MGMT: variants seen among roughly 807,000 people sequenced by gnomAD.
MGMT encodes the protein O-6-methylguanine-DNA methyltransferase.
A neutral mutation model predicts 15.9 loss-of-function variants in MGMT; 14 were observed. The ratio of observed to expected loss-of-function variants is 0.88; its 90% CI spans 0.58 to 1.37. The LOEUF (loss-of-function observed/expected upper bound fraction) is 1.37. Ranked by LOEUF, MGMT falls within the 40% of genes most tolerant of loss-of-function variation. The probability of loss-of-function intolerance (pLI) is 0.00; values close to 1 mark genes in which losing one functional copy is unlikely to be tolerated. For missense variants in MGMT, 282 were observed against 268.1 expected (o/e 1.05, Z -0.36); for synonymous variants, 130 against 118.2 (o/e 1.10, Z -0.65).
chr10:129,720,418 G>A (rs1848356351), intron 3 of MGMT, among the ~76,000 whole-genome samples: 1 of 152,186 alleles, frequency 6.6e-6, no homozygotes, highest in African/African-American at 2.4e-5. Context: ...CGCGGCCTTG[G>A]GGGCCCACAG....
chr10:129,748,381 A>G (rs986176269), intron 3 of MGMT, among the ~76,000 whole-genome samples: 4 of 152,006 alleles, frequency 2.6e-5, no homozygotes, highest in African/African-American at 9.7e-5. Flanking sequence ...TACTCTCCTC[A>G]TCGTGGTTTG....
chr10:129,469,871 T>C (rs1845211127), intron 1 of MGMT, among the ~76,000 whole-genome samples: 1 of 152,066 alleles, frequency 6.6e-6, no homozygotes. Flanking sequence ...CATACCTGGC[T>C]AATTGTTGTT....
At chr10:129,549,415 T>TG (rs1311520969) in intron 2 of MGMT, among the ~76,000 whole-genome samples, 5 of 152,218 alleles carry the variant, frequency 3.3e-5, no homozygotes, top group Non-Finnish European at 7.3e-5. Flanking sequence ...ACTTTATAGT[T>TG]GCATTTTTAG....
At chr10:129,623,667 T>C (rs1847114830) in intron 2 of MGMT, among the ~76,000 whole-genome samples, 1 of 152,130 alleles carries the variant, frequency 6.6e-6, no homozygotes, top group East Asian at 1.9e-4. Context: ...TAGCTGGGAC[T>C]ACATACGTGC....
chr10:129,475,109 T>TCTCTC (rs1845275989), intron 1 of MGMT, among the ~76,000 whole-genome samples: 1 of 151,818 alleles, frequency 6.6e-6, no homozygotes, highest in African/African-American at 2.4e-5. Flanking sequence ...TGGCAAGGTC[T>TCTCTC]GGGGAGGAGG....
At chr10:129,654,909 A>T (rs1847506691) in intron 2 of MGMT, among the ~76,000 whole-genome samples, 2 of 152,208 alleles carry the variant, frequency 1.3e-5, no homozygotes, top group African/African-American at 4.8e-5. Context: ...TATTCTTCTA[A>T]CTCAGAGAAG....
chr10:129,565,587 A>T (rs927239967), intron 2 of MGMT, among the ~76,000 whole-genome samples: 14 of 152,060 alleles, frequency 9.2e-5, no homozygotes, highest in African/African-American at 3.4e-4. Context: ...GTTGCTTTGG[A>T]TGTGGTAGAC....
intron 2 of MGMT, among the ~76,000 whole-genome samples, chr10:129,624,841 A>G (rs1228747266): frequency 6.6e-6 from 1 of 152,244 alleles, no homozygotes; most frequent in Non-Finnish European, 1.5e-5. Context: ...TGCACCGTGC[A>G]GGGCAGGCAC....
intron 2 of MGMT, among the ~76,000 whole-genome samples, chr10:129,549,814 C>T (rs953005649): frequency 6.6e-6 from 1 of 152,126 alleles, no homozygotes; most frequent in African/African-American, 2.4e-5. Flanking sequence ...CAGCCCAAAG[C>T]GTTACGGGGA....
At chr10:129,478,039 A>T (rs1845315244) in intron 1 of MGMT, among the ~76,000 whole-genome samples, 1 of 152,202 alleles carries the variant, frequency 6.6e-6, no homozygotes. Flanking sequence ...GACAGCAGGC[A>T]AGACAGGAGA....
intron 2 of MGMT, among the ~76,000 whole-genome samples, chr10:129,707,419 G>A (rs947464499): frequency 1.3e-5 from 2 of 151,958 alleles, no homozygotes; most frequent in Non-Finnish European, 2.9e-5. Flanking sequence ...GGAATCAGGG[G>A]ACTGCAGGTA....
intron 3 of MGMT, among the ~76,000 whole-genome samples, chr10:129,742,151 C>T (rs188395742): frequency 5.5e-4 from 84 of 152,326 alleles, no homozygotes; most frequent in African/African-American, 1.9e-3. Flanking sequence ...TGAGCTGCAC[C>T]TCTGTGTCAG....
chr10:129,620,087 G>T, intron 2 of MGMT, among the ~76,000 whole-genome samples: 1 of 152,144 alleles, frequency 6.6e-6, no homozygotes. Flanking sequence ...GACATTGGAG[G>T]CCGTTCATGA....
chr10:129,693,211 G>A lies in MGMT; in HGVS notation c.126-14684G>A, dbSNP rs139952804. ...ACAAACAGGTGGAGGATTTCCAGGC[G>A]TCAGTGGGGTCTGGGAGACTTTTCC... On this transcript the variant is annotated intron_variant, in intron 2 of 4. Transcript: ENST00000651593. Among the ~76,000 whole-genome samples the A allele has an allele frequency of 2.0e-4, 31 of 152,358 alleles. No homozygotes were observed. In the East Asian group the frequency reaches 2.5e-3, roughly 12 times the overall value.
At chr10:129,686,330 A>G (rs957428344) in intron 2 of MGMT, among the ~76,000 whole-genome samples, 4 of 152,006 alleles carry the variant, frequency 2.6e-5, no homozygotes, top group Non-Finnish European at 4.4e-5. Flanking sequence ...AGATAATTCC[A>G]CATAAATAAG....
chr10:129,738,595 C>A (rs1354361044), intron 3 of MGMT, among the ~76,000 whole-genome samples: 1 of 152,234 alleles, frequency 6.6e-6, no homozygotes, highest in Admixed American at 6.5e-5. Context: ...GCCACATTTT[C>A]TTAATCCACA....
At position 129,620,542 on chromosome 10, in the gene MGMT, C is replaced by T. The variant is rs202131548; in HGVS notation, c.125+84165C>T. Among the ~76,000 whole-genome samples the T allele has an allele frequency of 1.1e-4, 16 of 152,322 alleles. 1 individual carries two copies. The South Asian group carries it at 1.7e-3, about 16-fold the overall frequency. ...GGTGCCTAATCACATGAGATCATGACGTCCTCCTGATGTGCTGGCTCCTTA... is the reference window on the plus strand; with the variant it reads ...GGTGCCTAATCACATGAGATCATGATGTCCTCCTGATGTGCTGGCTCCTTA... On this transcript the variant is annotated intron_variant, in intron 2 of 4. Transcript: ENST00000651593.
chr10:129,692,984 G>A (rs1055077191), intron 2 of MGMT, among the ~76,000 whole-genome samples: 2 of 152,246 alleles, frequency 1.3e-5, no homozygotes, highest in Non-Finnish European at 2.9e-5. Context: ...GCCCAGCAGG[G>A]CAAGGAATAA....
At chr10:129,550,261 G>A (rs891903297) in intron 2 of MGMT, among the ~76,000 whole-genome samples, 1 of 151,402 alleles carries the variant, frequency 6.6e-6, no homozygotes, top group African/African-American at 2.4e-5. Flanking sequence ...GTTTCACAGT[G>A]TTCCGCAGCC....
Sources: allele counts gnomAD v4.1 joint callset (sites outside exome capture counted in the v4.1 genomes callset), GRCh38; gene constraint gnomAD v4.1.1; transcripts MANE v1.5; gene names NCBI Gene and HGNC (gene_info 2026-07-23, HGNC 2026-07-21).